ANKMY1: variants seen among roughly 807,000 people sequenced by gnomAD.
The protein encoded by ANKMY1 is ankyrin repeat and MYND domain-containing protein 1.
In ANKMY1, 98 loss-of-function variants were observed where a neutral mutation model predicts 102.0. The observed-to-expected ratio is 0.96, with a 90% CI of 0.82 to 1.14. ANKMY1 has a LOEUF of 1.14. Ranked by LOEUF, ANKMY1 falls within the 50% of genes most tolerant of loss-of-function variation. The pLI is 0.00. For synonymous variants in ANKMY1, 582 were observed against 559.9 expected (o/e 1.04, Z -0.56); for missense variants, 1,330 against 1,347.6 (o/e 0.99, Z 0.20).
intron 4 of ANKMY1, 194 bp downstream of exon 4, chr2:240,552,720 G>A: frequency 1.2e-6 from 1 of 815,782 alleles, no homozygotes; most frequent in Middle Eastern, 2.5e-4. Context: ...GTATCCCTCT[G>A]GGGAATAAAA....
Position 240,499,596 on chromosome 2 carries a change from G to C in ANKMY1, c.2806+362C>G, listed in dbSNP as rs190590970. Among the ~76,000 whole-genome samples the C allele has an allele frequency of 4.6e-5, 7 of 152,098 alleles. No homozygotes were observed. The highest frequency in any genetic ancestry group is 8.8e-5 in the Non-Finnish European group (6 of 67,928). On this transcript the variant is annotated intron_variant, in intron 15 of 17. Transcript: ENST00000401804. The surrounding 1 kb of genome is among the most constrained non-coding windows in gnomAD (Gnocchi z 4.2). Reference sequence around the variant, plus strand: ...TGTAGGGAGGGGTGTGACCATGCAGGGGAGCAGCACCCCAGGCCTCGGGCC... The same window carrying C: ...TGTAGGGAGGGGTGTGACCATGCAGCGGAGCAGCACCCCAGGCCTCGGGCC...
intron 8 of ANKMY1, chr2:240,521,869 T>C (rs1363786788): frequency 1.3e-5 from 2 of 152,224 alleles, no homozygotes; most frequent in Non-Finnish European, 2.9e-5. Flanking sequence ...CTCACTGACT[T>C]CAAGAATGAA....
Position 240,524,004 on chromosome 2 carries a change from C to G in ANKMY1, c.1713G>C (p.Ser571=), listed in dbSNP as rs139808020. ...GGGCGCTTCTCTCCAGCATGGCCTG[C>G]GAGAGCTCGATGGAGAAGTCGCACA... is the stretch of plus-strand genomic sequence containing the variant. The part of the protein sequence containing the change: ...VCVCDFSIEL[S]QAMLERSAQS... Residue 571 remains serine, a synonymous_variant, in exon 8 of 18, where the codon TCG becomes TCC. Coordinates refer to ENST00000401804, the MANE Select transcript of ANKMY1 (RefSeq NM_001282771.3). The G allele has an allele frequency of 6.2e-6, 10 of 1,613,920 alleles. No homozygotes were observed. The highest frequency in any genetic ancestry group is 1.6e-4 in the Middle Eastern group (1 of 6,062).
At chr2:240,491,155 G>C (rs1008747601) in intron 15 of ANKMY1, among the ~76,000 whole-genome samples, 2 of 141,976 alleles carry the variant, frequency 1.4e-5, no homozygotes, top group Non-Finnish European at 3.0e-5. Context: ...AGTATACCTA[G>C]TTACTCCTGC....
chr2:240,510,071 T>TC (rs1486883203), intron 11 of ANKMY1, among the ~76,000 whole-genome samples: 4 of 131,026 alleles, frequency 3.1e-5, no homozygotes, highest in African/African-American at 1.2e-4. Context: ...ATTCTTGCCC[T>TC]CCCTGCCTCC....
chr2:240,500,433 T>C lies in ANKMY1; in HGVS notation c.2640+19A>G. ...GACCCACACTCCCCCTCCTTCCTCA[T>C]GGGAGGCTCACCACCTACCTGGAAG... On this transcript the variant is annotated intron_variant, in intron 14 of 17. Coordinates refer to ENST00000401804, the MANE Select transcript of ANKMY1 (RefSeq NM_001282771.3). 1.2e-6 allele frequency: 2 copies of C among 1,607,994 alleles called. No homozygotes were observed. Among genetic ancestry groups the C allele is most frequent in the Non-Finnish European group, 1.7e-6 (2 of 1,175,390 alleles).
upstream of ANKMY1, chr2:240,560,447 C>G (rs907239010): frequency 2.0e-5 from 10 of 496,962 alleles, no homozygotes; most frequent in African/African-American, 1.4e-4. Context: ...TCCAAGGCCC[C>G]GGCGCCCTGG....
chr2:240,560,820 A>G, upstream of ANKMY1: 2 of 1,431,420 alleles, frequency 1.4e-6, no homozygotes, highest in Non-Finnish European at 1.8e-6. Flanking sequence ...CGCGGGAGTC[A>G]CGCTGTGCGT....
At chr2:240,559,121 C>T (rs1208109968), upstream of ANKMY1, among the ~76,000 whole-genome samples, 1 of 152,156 alleles carries the variant, frequency 6.6e-6, no homozygotes, top group Non-Finnish European at 1.5e-5. Flanking sequence ...GAGACAGAGG[C>T]TGGCCCAGAC....
intron 4 of ANKMY1, among the ~76,000 whole-genome samples, chr2:240,531,640 A>C (rs960177339): frequency 4.6e-5 from 7 of 152,154 alleles, no homozygotes; most frequent in African/African-American, 1.7e-4. Flanking sequence ...AAAATACTAC[A>C]CCCGGTAAAA....
Position 240,526,245 on chromosome 2 carries a change from A to G in ANKMY1, c.1154T>C (p.Val385Ala). Residue 385 changes from valine to alanine, a missense_variant, in exon 6 of 18, where the codon GTG (valine) becomes GCG (alanine). Transcript: ENST00000401804. ...GGGGCTTACAGCAGCCGCAGCAAGC[A>G]CAGTGTAGCCCTTTGCGTCCGCCAC... is the stretch of plus-strand genomic sequence containing the variant. ...ADVADAKGYT[V>A]LAAAATHCHN... is the part of the protein sequence containing the mutation. 6.2e-7 allele frequency: 1 copy of G among 1,614,084 alleles called. No homozygotes were observed. The highest frequency in any genetic ancestry group is 1.7e-5 in the Admixed American group (1 of 60,028).
chr2:240,546,559 G>A (rs1364450531), intron 4 of ANKMY1, among the ~76,000 whole-genome samples: 1 of 152,140 alleles, frequency 6.6e-6, no homozygotes, highest in Non-Finnish European at 1.5e-5. Flanking sequence ...AAAAGACACA[G>A]ACTGGCAAAC....
At chr2:240,550,067 G>A (rs996545033) in intron 4 of ANKMY1, among the ~76,000 whole-genome samples, 27 of 151,828 alleles carry the variant, frequency 1.8e-4, no homozygotes, top group Non-Finnish European at 1.5e-4. Context: ...ACATGCACAC[G>A]TATGTTTATT....
At chr2:240,503,907 ACATG>A (rs2078639625) in intron 13 of ANKMY1, among the ~76,000 whole-genome samples, 1 of 152,202 alleles carries the variant, frequency 6.6e-6, no homozygotes, top group African/African-American at 2.4e-5. Flanking sequence ...GCAGAGACAG[ACATG>A]CATGCAGGCA....
chr2:240,479,855 C>G (rs2075146988), intron 17 of ANKMY1, among the ~76,000 whole-genome samples, 200 bp from the exon 18 acceptor site: 1 of 152,176 alleles, frequency 6.6e-6, no homozygotes. Flanking sequence ...GCCACACCCA[C>G]CAAGTCCCAT....
chr2:240,555,223 G>A (rs1473205596), intron 2 of ANKMY1, 168 bp from the exon 3 acceptor site: 3 of 704,032 alleles, frequency 4.3e-6, no homozygotes, highest in Non-Finnish European at 7.0e-6. Context: ...AGGCACAGAG[G>A]GTGCAGCGAT....
intron 11 of ANKMY1, 135 bp from the exon 12 acceptor site, chr2:240,509,590 G>A: frequency 1.6e-6 from 1 of 640,814 alleles, no homozygotes. Context: ...TACCTTGCCT[G>A]ACACAAGGTG....
chr2:240,499,408 G>A lies in ANKMY1; in HGVS notation c.2806+550C>T, dbSNP rs1412545265. Among the ~76,000 whole-genome samples, 1 of 145,858 alleles carries A rather than the reference G, an allele frequency of 6.9e-6. No homozygotes were observed. The highest frequency in any genetic ancestry group is 1.5e-5 in the Non-Finnish European group (1 of 66,000). ...TAGGGAGTGACTATGTGGGGGTGGG[G>A]GTGACCAGGTGGGTGGGAGGTGGGT... On this transcript the variant is annotated intron_variant, in intron 15 of 17. Coordinates refer to ENST00000401804, the MANE Select transcript of ANKMY1 (RefSeq NM_001282771.3). The surrounding 1 kb of genome is among the most constrained non-coding windows in gnomAD (Gnocchi z 4.2).
At chr2:240,491,799 T>A (rs183414201) in intron 15 of ANKMY1, among the ~76,000 whole-genome samples, 1 of 152,192 alleles carries the variant, frequency 6.6e-6, no homozygotes, top group African/African-American at 2.4e-5. Flanking sequence ...GGAATTTCCT[T>A]TATGGGTGAC....
Sources: allele counts gnomAD v4.1 joint callset (sites outside exome capture counted in the v4.1 genomes callset), GRCh38; gene constraint gnomAD v4.1.1; non-coding constraint Gnocchi (gnomAD v3.1); transcripts MANE v1.5; gene names NCBI Gene and HGNC (gene_info 2026-07-23, HGNC 2026-07-21).